SEMA6D: variants seen among roughly 807,000 people sequenced by gnomAD.
SEMA6D encodes semaphorin-6D.
In SEMA6D, 35 loss-of-function variants were observed where a neutral mutation model predicts 106.6. The observed-to-expected ratio is 0.33, with a 90% confidence interval of 0.25 to 0.44. The LOEUF is 0.44. Ranked by LOEUF, SEMA6D falls within the 20% of genes least tolerant of loss-of-function variation. The pLI, the probability that SEMA6D is intolerant of heterozygous loss-of-function variation, is 1.00. For missense variants in SEMA6D, 1,185 were observed against 1,345.9 expected, an observed-to-expected ratio of 0.88 and a Z score of 1.87; for synonymous variants, 499 against 487.7, an observed-to-expected ratio of 1.02 and a Z score of -0.31.
chr15:47,723,919 G>T (rs575371912), intron 1 of SEMA6D, among the ~76,000 whole-genome samples: 20 of 152,252 alleles, frequency 1.3e-4, no homozygotes, highest in Non-Finnish European at 1.9e-4. Context: ...TAAAAATAAC[G>T]TCAGGAGTTT....
In SEMA6D at chr15:47,633,867, C is replaced by T. The variant is rs1391710255; in HGVS notation, c.-55+32971C>T. Among the ~76,000 whole-genome samples, 4 of 152,066 alleles carry T rather than the reference C, an allele frequency of 2.6e-5. No homozygotes were observed. The East Asian group carries it at 7.7e-4, about 29-fold the overall frequency. On this transcript the variant is annotated intron_variant, in intron 4 of 19. Transcript: ENST00000558014. Reference sequence around the variant, plus strand: ...ATTAGGTAAACTCTATTGAGTTGTCCTCAAGTTCATTTGTTCTGTCCTCTG... The same window carrying T: ...ATTAGGTAAACTCTATTGAGTTGTCTTCAAGTTCATTTGTTCTGTCCTCTG...
At chr15:47,658,625 C>A (rs1034636641) in intron 4 of SEMA6D, among the ~76,000 whole-genome samples, 1 of 152,124 alleles carries the variant, frequency 6.6e-6, no homozygotes, top group Non-Finnish European at 1.5e-5. Flanking sequence ...CGCAATCCTT[C>A]CCCCCTCAAC....
At chr15:47,685,450 T>C (rs1367541701) in intron 4 of SEMA6D, among the ~76,000 whole-genome samples, 1 of 152,214 alleles carries the variant, frequency 6.6e-6, no homozygotes, top group African/African-American at 2.4e-5. Flanking sequence ...CTGCTGGATG[T>C]CTTTTCAAAG....
intron 1 of SEMA6D, among the ~76,000 whole-genome samples, chr15:47,282,432 A>G (rs1173493968): frequency 6.6e-6 from 1 of 152,178 alleles, no homozygotes; most frequent in Non-Finnish European, 1.5e-5. Context: ...GTATCCTATT[A>G]TATTTTAACA....
intron 3 of SEMA6D, among the ~76,000 whole-genome samples, chr15:47,481,045 G>T (rs577158631): frequency 6.6e-6 from 1 of 152,088 alleles, no homozygotes; most frequent in Non-Finnish European, 1.5e-5. Context: ...TAGATTAAAA[G>T]CATCCCCCAA....
chr15:47,226,635 C>A (rs2031687567), intron 1 of SEMA6D, among the ~76,000 whole-genome samples: 1 of 152,104 alleles, frequency 6.6e-6, no homozygotes, highest in Non-Finnish European at 1.5e-5. Context: ...TCTGTATAGA[C>A]ACTGATTGGA....
chr15:47,691,132 G>A (rs2078578190), intron 4 of SEMA6D, among the ~76,000 whole-genome samples: 1 of 152,194 alleles, frequency 6.6e-6, no homozygotes, highest in African/African-American at 2.4e-5. Context: ...TGATATCAAT[G>A]TTTTAATATT....
chr15:47,461,032 C>G (rs1370657483), intron 2 of SEMA6D, among the ~76,000 whole-genome samples: 2 of 152,106 alleles, frequency 1.3e-5, no homozygotes, highest in Non-Finnish European at 2.9e-5. Context: ...CTCACTCTGC[C>G]CAGCCCTCCT....
intron 2 of SEMA6D, among the ~76,000 whole-genome samples, chr15:47,414,743 C>A (rs2040905142): frequency 1.3e-5 from 2 of 152,108 alleles, no homozygotes; most frequent in African/African-American, 4.8e-5. Context: ...TCCACTTCTG[C>A]ATATGAGGAC....
chr15:47,215,926 C>T (rs989350786), intron 1 of SEMA6D, among the ~76,000 whole-genome samples: 3 of 151,192 alleles, frequency 2.0e-5, no homozygotes, highest in African/African-American at 7.3e-5. Context: ...TGGTCAAAGA[C>T]ATATAATATT....
chr15:47,771,877 T>A lies in SEMA6D; in HGVS notation c.*92T>A, dbSNP rs2082645954. 7.5e-7 allele frequency: 1 copy of A among 1,338,124 alleles called. No individual in the cohort carries two copies. 82.9% of individuals were successfully genotyped at this position (1,338,124 alleles called of 1,614,324 possible). A position where few individuals can be genotyped will look rare whatever the true frequency, so the allele number is the denominator to read the frequency against. On this transcript the variant is annotated 3_prime_UTR_variant, in exon 19 of 19. Coordinates refer to ENST00000536845, the MANE Select transcript of SEMA6D (RefSeq NM_001358351.3). ...GGTACCTTAAAACAAGAGACTCGCT[T>A]GTATTTTAAGAGAACCAAGTGGCCA...
chr15:47,251,583 T>A (rs1312999988), intron 1 of SEMA6D, among the ~76,000 whole-genome samples: 1 of 152,214 alleles, frequency 6.6e-6, no homozygotes, highest in Non-Finnish European at 1.5e-5. Context: ...TTGCTTATTT[T>A]GTTATTTATT....
At chr15:47,539,427 G>A (rs1294920486) in intron 3 of SEMA6D, among the ~76,000 whole-genome samples, 1 of 150,724 alleles carries the variant, frequency 6.6e-6, no homozygotes, top group Non-Finnish European at 1.5e-5. Context: ...TTGTTTGTTT[G>A]TTTGTTTTGT....
At chr15:47,588,935 G>A (rs2076389665) in intron 3 of SEMA6D, among the ~76,000 whole-genome samples, 1 of 152,160 alleles carries the variant, frequency 6.6e-6, no homozygotes, top group Non-Finnish European at 1.5e-5. Flanking sequence ...CAATGGGGAG[G>A]CTGCATACTA....
intron 3 of SEMA6D, among the ~76,000 whole-genome samples, chr15:47,588,447 GC>G (rs1312462892): frequency 6.6e-6 from 1 of 152,158 alleles, no homozygotes; most frequent in African/African-American, 2.4e-5. Flanking sequence ...CACAGGAGCT[GC>G]CCGCTCCTGC....
intron 3 of SEMA6D, among the ~76,000 whole-genome samples, chr15:47,484,569 G>A (rs1730017719): frequency 1.3e-5 from 2 of 152,100 alleles, no homozygotes; most frequent in Non-Finnish European, 2.9e-5. Flanking sequence ...TATTGTTGGA[G>A]TTCTTCACAA....
intron 1 of SEMA6D, among the ~76,000 whole-genome samples, chr15:47,724,412 T>A (rs953447765): frequency 3.9e-5 from 6 of 152,230 alleles, no homozygotes; most frequent in Non-Finnish European, 8.8e-5. Flanking sequence ...GCTGAAACGC[T>A]GTGTGTTTTA....
chr15:47,752,772 G>A (rs1450868889), intron 1 of SEMA6D, among the ~76,000 whole-genome samples: 2 of 152,182 alleles, frequency 1.3e-5, no homozygotes, highest in South Asian at 2.1e-4. Flanking sequence ...ATTTAGGGAG[G>A]CCGAGGTGGA....
intron 1 of SEMA6D, among the ~76,000 whole-genome samples, chr15:47,272,343 A>G (rs916591421): frequency 6.6e-6 from 1 of 152,206 alleles, no homozygotes; most frequent in African/African-American, 2.4e-5. Context: ...TTGCCTATGT[A>G]TCTCTTACCT....
Sources: gnomAD v4.1 joint callset for allele counts (sites outside exome capture counted in the v4.1 genomes callset) on GRCh38, gnomAD v4.1.1 for gene constraint, MANE v1.5 for transcripts, NCBI Gene and HGNC (gene_info 2026-07-23, HGNC 2026-07-21) for gene names.